The following TMEM200A variants were observed in gnomAD, a reference collection of about 807,000 sequenced individuals.
TMEM200A encodes two transmembrane C.
A neutral mutation model predicts 24.3 loss-of-function variants in TMEM200A; 12 were observed. That is an observed-to-expected ratio of 0.49 (90% CI 0.32 to 0.80). The LOEUF (loss-of-function observed/expected upper bound fraction) is 0.80. Among genes scored for constraint, TMEM200A ranks in the 30% least tolerant of loss-of-function variants. The probability of loss-of-function intolerance (pLI) is 0.04; values close to 1 mark genes in which losing one functional copy is unlikely to be tolerated. For synonymous variants in TMEM200A, 224 were observed against 224.4 expected, an observed-to-expected ratio of 1.00 and a Z score of 0.02; for missense variants, 545 against 614.4, an observed-to-expected ratio of 0.89 and a Z score of 1.19.
At position 130,366,683 on chromosome 6, in the gene TMEM200A, C is replaced by G; in HGVS notation, c.-81+159C>G. Reference sequence around the variant, plus strand: ...TCTCTCCTAAAGTTTGGGAAATAAACCAAGTCCGCCATCAGGTCCAGACTC... The same window carrying G: ...TCTCTCCTAAAGTTTGGGAAATAAAGCAAGTCCGCCATCAGGTCCAGACTC... On this transcript the variant is annotated intron_variant, in intron 1 of 2. Transcript: ENST00000296978. The surrounding 1 kb of genome is among the most constrained non-coding windows in gnomAD (Gnocchi z 4.4). The G allele has an allele frequency of 7.9e-6, 5 of 636,690 alleles. No individual in the cohort carries two copies. Among genetic ancestry groups the G allele is most frequent in the Non-Finnish European group, 9.8e-6 (5 of 511,298 alleles). 39.4% of individuals were successfully genotyped at this position (636,690 alleles called of 1,614,324 possible).
intron 2 of TMEM200A, among the ~76,000 whole-genome samples, chr6:130,399,345 C>A (rs911054944): frequency 6.6e-5 from 10 of 151,996 alleles, no homozygotes; most frequent in African/African-American, 2.4e-4. Flanking sequence ...ACCACTATGT[C>A]TTTGAATTGC....
chr6:130,427,834 A>G (rs1444928436), intron 2 of TMEM200A, among the ~76,000 whole-genome samples: 1 of 151,416 alleles, frequency 6.6e-6, no homozygotes, highest in Non-Finnish European at 1.5e-5. Context: ...TTAACAGAAC[A>G]TTTCTGTTTT....
intron 2 of TMEM200A, among the ~76,000 whole-genome samples, chr6:130,388,590 G>A (rs111909900): frequency 0.016 from 2,456 of 152,202 alleles, 68 homozygotes; most frequent in African/African-American, 0.052. Context: ...TTTCTAATAA[G>A]ATGATTGGTT....
intron 2 of TMEM200A, among the ~76,000 whole-genome samples, chr6:130,407,554 A>T: frequency 6.6e-6 from 1 of 152,224 alleles, no homozygotes; most frequent in East Asian, 1.9e-4. Context: ...ATAATCATTT[A>T]CTCATGTACT....
At chr6:130,420,927 G>A (rs1203805930) in intron 2 of TMEM200A, among the ~76,000 whole-genome samples, 1 of 152,080 alleles carries the variant, frequency 6.6e-6, no homozygotes, top group Admixed American at 6.5e-5. Flanking sequence ...GAGTCTCCCT[G>A]ATCCTAGAGG....
chr6:130,419,189 A>G (rs1779523951), intron 2 of TMEM200A, among the ~76,000 whole-genome samples: 2 of 152,140 alleles, frequency 1.3e-5, no homozygotes, highest in Admixed American at 1.3e-4. Context: ...TCTGTGCCAG[A>G]CTTATTTCGC....
intron 2 of TMEM200A, among the ~76,000 whole-genome samples, chr6:130,398,828 TA>T (rs780518064): frequency 6.6e-5 from 10 of 152,122 alleles, no homozygotes; most frequent in Non-Finnish European, 1.3e-4. Flanking sequence ...ATAATATTTT[TA>T]TAGTAAATTC....
chr6:130,373,471 T>C (rs1460129171), intron 1 of TMEM200A, among the ~76,000 whole-genome samples: 1 of 152,200 alleles, frequency 6.6e-6, no homozygotes, highest in Non-Finnish European at 1.5e-5. Flanking sequence ...ACCTACTCTG[T>C]TTGCTTAATC....
chr6:130,433,447 T>C (rs1379069102), intron 2 of TMEM200A, among the ~76,000 whole-genome samples: 1 of 152,184 alleles, frequency 6.6e-6, no homozygotes, highest in African/African-American at 2.4e-5. Context: ...CAAAAATGAT[T>C]TTTATTCTAT....
At chr6:130,391,872 A>G (rs1234501089) in intron 2 of TMEM200A, among the ~76,000 whole-genome samples, 3 of 151,124 alleles carry the variant, frequency 2.0e-5, no homozygotes, top group African/African-American at 7.3e-5. Context: ...CCTCCCGAGT[A>G]GCTGGGATAA....
In TMEM200A at chr6:130,442,430, G is replaced by A. The variant is rs761095940; in HGVS notation, c.*532G>A. ...GAGCTCAGTAATGTTAATTGGTTAA[G>A]TTCATTGTGAATCTTGAGTTTTAGA... is the stretch of plus-strand genomic sequence containing the variant. On this transcript the variant is annotated 3_prime_UTR_variant, in exon 3 of 3. Coordinates refer to ENST00000296978, the MANE Select transcript of TMEM200A (RefSeq NM_001258277.2). The A allele has an allele frequency of 1.4e-4, 23 of 165,862 alleles. No individual in the cohort carries two copies. Among genetic ancestry groups the A allele is most frequent in the Non-Finnish European group, 2.9e-4 (20 of 68,082 alleles). The allele number at this position is 165,862 out of a possible 1,614,324, so 10.3% of individuals were successfully genotyped here.
At chr6:130,412,588 T>C (rs1296780202) in intron 2 of TMEM200A, among the ~76,000 whole-genome samples, 2 of 152,132 alleles carry the variant, frequency 1.3e-5, no homozygotes, top group East Asian at 3.9e-4. Context: ...CAGCTCAGAC[T>C]TGAATACCCC....
chr6:130,372,022 C>T (rs1471982094), intron 1 of TMEM200A, among the ~76,000 whole-genome samples: 1 of 152,172 alleles, frequency 6.6e-6, no homozygotes, highest in East Asian at 1.9e-4. Flanking sequence ...TCCCCACCAT[C>T]GCCACTTTTC....
chr6:130,366,520 GA>G lies in TMEM200A; in HGVS notation c.-84del. 2 of 985,586 alleles carry G rather than the reference GA, an allele frequency of 2.0e-6. No individual in the cohort carries two copies. The highest frequency in any genetic ancestry group is 2.4e-6 in the Non-Finnish European group (2 of 830,126). 61.1% of individuals were successfully genotyped at this position (985,586 alleles called of 1,614,324 possible). A position where few individuals can be genotyped will look rare whatever the true frequency, so the allele number is the denominator to read the frequency against. The stretch of plus-strand genomic sequence containing the variant: ...CCGACCCCCAGGGCCCGGTGCTCAG[GA>G]CAGGTGAGGGGAAGGAAAGGGTGCT... On this transcript the variant is annotated 5_prime_UTR_variant, in exon 1 of 3. Transcript: ENST00000296978. This position sits in a 1 kb window ranked among gnomAD's most constrained non-coding sequence, Gnocchi z 4.4.
At chr6:130,433,401 GT>G (rs1779926691) in intron 2 of TMEM200A, among the ~76,000 whole-genome samples, 2 of 152,062 alleles carry the variant, frequency 1.3e-5, no homozygotes, top group African/African-American at 4.8e-5. Flanking sequence ...GCCTCCCAAA[GT>G]TTTGGGATTA....
rs1778147847 is a variant in TMEM200A at position 130,366,425 on chromosome 6, G to A, written c.-180G>A. ...CCCGACCCTGCCGCCTTCTTCGTCC[G>A]CCTCCAGAGGCGCCCGACGTCCCGA... On this transcript the variant is annotated 5_prime_UTR_variant, in exon 1 of 3. Transcript: ENST00000296978. This position sits in a 1 kb window ranked among gnomAD's most constrained non-coding sequence, Gnocchi z 4.4. 2 of 985,510 alleles carry A rather than the reference G, an allele frequency of 2.0e-6. No homozygotes were observed. Among genetic ancestry groups the A allele is most frequent in the African/African-American group, 1.7e-5 (1 of 57,366 alleles). The allele number at this position is 985,510 out of a possible 1,614,324, so 61.0% of individuals were successfully genotyped here. A position where few individuals can be genotyped will look rare whatever the true frequency, so the allele number is the denominator to read the frequency against.
chr6:130,439,478 G>GGTAA (rs777129332), intron 2 of TMEM200A: 5 of 152,234 alleles, frequency 3.3e-5, no homozygotes, highest in Non-Finnish European at 7.3e-5. Context: ...TGTGCTAGAA[G>GGTAA]GTAAGTTCAG....
chr6:130,386,254 G>A (rs569163850), intron 2 of TMEM200A, among the ~76,000 whole-genome samples: 6 of 152,240 alleles, frequency 3.9e-5, no homozygotes, highest in Non-Finnish European at 7.4e-5. Context: ...AGGAAGGGTC[G>A]GGGTATGTGG....
intron 1 of TMEM200A, among the ~76,000 whole-genome samples, chr6:130,376,071 A>G (rs1052831942): frequency 2.6e-5 from 4 of 152,080 alleles, no homozygotes; most frequent in African/African-American, 9.7e-5. Flanking sequence ...TAAGTCCACC[A>G]CAGAGTTTTT....
Sources: allele counts gnomAD v4.1 joint callset (sites outside exome capture counted in the v4.1 genomes callset), GRCh38; gene constraint gnomAD v4.1.1; non-coding constraint Gnocchi (gnomAD v3.1); transcripts MANE v1.5; gene names NCBI Gene and HGNC (gene_info 2026-07-23, HGNC 2026-07-21).